PLCG2: variants seen among roughly 807,000 people sequenced by gnomAD.
The protein encoded by PLCG2 is phospholipase C gamma 2.
In PLCG2, 69 loss-of-function variants were observed where a neutral mutation model predicts 175.6. The ratio of observed to expected loss-of-function variants is 0.39; its 90% CI spans 0.32 to 0.48. The LOEUF is 0.48. Ranked by LOEUF, PLCG2 falls within the 20% of genes least tolerant of loss-of-function variation. PLCG2 has a pLI of 0.91. For missense variants in PLCG2, 1,798 were observed against 1,650.9 expected, an observed-to-expected ratio of 1.09 and a Z score of -1.54; for synonymous variants, 827 against 624.0, an observed-to-expected ratio of 1.33 and a Z score of -4.85.
chr16:81,912,169 G>A (rs917322117), intron 18 of PLCG2, among the ~76,000 whole-genome samples: 1 of 151,568 alleles, frequency 6.6e-6, no homozygotes, highest in Non-Finnish European at 1.5e-5. Context: ...CTGGCTTCTC[G>A]CGATCCACCT....
At chr16:81,838,142 G>T (rs1597347110) in intron 2 of PLCG2, among the ~76,000 whole-genome samples, 1 of 151,116 alleles carries the variant, frequency 6.6e-6, no homozygotes, top group South Asian at 2.1e-4. Flanking sequence ...GCACTGGCTT[G>T]ATCTTGGCTC....
At chr16:81,790,818 T>A (rs545985626) in intron 2 of PLCG2, among the ~76,000 whole-genome samples, 1 of 152,184 alleles carries the variant, frequency 6.6e-6, no homozygotes, top group South Asian at 2.1e-4. Flanking sequence ...TCTGGAGACG[T>A]GTTGATTTTC....
In PLCG2 at chr16:81,773,505, A is replaced by G. The variant is rs377365597; in HGVS notation, c.-47-12438A>G. 5.1e-3 allele frequency among the ~76,000 whole-genome samples: 769 copies of G among 152,234 alleles called. 10 individuals are homozygous for G. In the Middle Eastern group the frequency reaches 0.061, roughly 12 times the overall value. On this transcript the variant is annotated intron_variant, in intron 2 of 5. Transcript: ENST00000565054. ...AGAGCTGGGATTCACACTGAGGCCC[A>G]CCTGTCTCTGTGTCCCATGTTTTCA... is the stretch of plus-strand genomic sequence containing the variant.
intron 2 of PLCG2, chr16:81,799,004 G>A (rs539851154): frequency 6.6e-6 from 1 of 152,500 alleles, no homozygotes; most frequent in South Asian, 2.1e-4. Context: ...ACTGAAGGAG[G>A]GCCCGTGTCC....
At chr16:81,816,814 T>G (rs1261961023) in intron 2 of PLCG2, among the ~76,000 whole-genome samples, 1 of 151,910 alleles carries the variant, frequency 6.6e-6, no homozygotes, top group Non-Finnish European at 1.5e-5. Flanking sequence ...AAATTATGAC[T>G]TACTCCCAAG....
Position 81,907,711 on chromosome 16 carries a change from T to C in PLCG2, c.1494T>C (p.Ile498=), listed in dbSNP as rs2143649245. 6.2e-7 allele frequency: 1 copy of C among 1,614,024 alleles called. No homozygotes were observed. The change falls in exon 16 of 33, where the codon ATT becomes ATC. Residue 498 remains isoleucine, a synonymous_variant. Transcript: ENST00000564138. ...DQKWTRHYCA[I]ADAKLSFSDD... is the part of the protein sequence containing the mutation. ...AATGGACTCGGCACTACTGCGCCAT[T>C]GCCGATGCCAAGCTGTCCTTCAGTG...
rs1908635760 is a variant in PLCG2 at position 81,891,542 on chromosome 16, A to G, written c.938A>G (p.Asp313Gly). ...AAGTATGACGCGGTGGACATGCAGGACATGAACAACCCCCTGTCTCATTAC... is the reference window on the plus strand; with the variant it reads ...AAGTATGACGCGGTGGACATGCAGGGCATGAACAACCCCCTGTCTCATTAC... Reference protein sequence around the residue: ...DEKYDAVDMQDMNNPLSHYWI... With the variant: ...DEKYDAVDMQGMNNPLSHYWI... Residue 313 changes from aspartate (D) to glycine (G), a missense_variant, in exon 11 of 33, where the codon GAC becomes GGC. Transcript: ENST00000564138. 6.2e-7 allele frequency: 1 copy of G among 1,611,776 alleles called. No individual in the cohort carries two copies. Among genetic ancestry groups the G allele is most frequent in the African/African-American group, 1.3e-5 (1 of 74,896 alleles).
chr16:81,795,824 C>G (rs528716146), intron 2 of PLCG2, among the ~76,000 whole-genome samples: 18 of 152,316 alleles, frequency 1.2e-4, no homozygotes, highest in Non-Finnish European at 2.5e-4. Context: ...TTTGGCCTCC[C>G]AAAGAGCTGG....
chr16:81,927,127 C>G lies in PLCG2; in HGVS notation c.2463C>G (p.Ser821=), dbSNP rs777516020. The G allele has an allele frequency of 1.2e-6, 2 of 1,613,946 alleles. No homozygotes were observed. The highest frequency in any genetic ancestry group is 1.7e-6 in the Non-Finnish European group (2 of 1,179,820). ...YGTRIQQYFP[S]NYVEDISTAD... Reference sequence around the variant, plus strand: ...CCAGGATCCAGCAGTACTTCCCATCCAACTACGTCGAGGACATCTCAACTG... The same window carrying G: ...CCAGGATCCAGCAGTACTTCCCATCGAACTACGTCGAGGACATCTCAACTG... The change falls in exon 23 of 33, where the codon TCC becomes TCG. Residue 821 remains serine (S), a synonymous_variant. Coordinates refer to ENST00000564138, the MANE Select transcript of PLCG2 (RefSeq NM_002661.5).
At chr16:81,954,266 C>T (rs1478421477) in intron 31 of PLCG2, among the ~76,000 whole-genome samples, 4 of 152,218 alleles carry the variant, frequency 2.6e-5, no homozygotes, top group Non-Finnish European at 5.9e-5. Flanking sequence ...AGCAATCCTC[C>T]CACCTCAGCC....
At chr16:81,801,769 C>T (rs1003456407) in intron 2 of PLCG2, among the ~76,000 whole-genome samples, 1 of 152,092 alleles carries the variant, frequency 6.6e-6, no homozygotes, top group Admixed American at 6.6e-5. Context: ...CAACCTCCGC[C>T]TCCAGGGTTC....
chr16:81,804,683 C>G (rs551337859), intron 2 of PLCG2, among the ~76,000 whole-genome samples: 1 of 152,162 alleles, frequency 6.6e-6, no homozygotes, highest in Non-Finnish European at 1.5e-5. Flanking sequence ...AACGCCTCAG[C>G]CCAGGGAGTG....
At chr16:81,851,981 G>A (rs1027208360) in intron 2 of PLCG2, 3 of 148,112 alleles carry the variant, frequency 2.0e-5, no homozygotes, top group Non-Finnish European at 4.5e-5. Context: ...CCTCTCCTGT[G>A]TTTCACTATG....
At chr16:81,933,200 A>G (rs532735073) in intron 25 of PLCG2, among the ~76,000 whole-genome samples, 12 of 152,114 alleles carry the variant, frequency 7.9e-5, no homozygotes, top group Non-Finnish European at 1.2e-4. Flanking sequence ...ATTTCATGAG[A>G]ATGATTTTTA....
intron 7 of PLCG2, among the ~76,000 whole-genome samples, chr16:81,880,466 A>G (rs919525486): frequency 2.0e-5 from 3 of 152,218 alleles, no homozygotes; most frequent in South Asian, 2.1e-4. Context: ...ATAATACTAG[A>G]TGTTACAAAA....
intron 1 of PLCG2, among the ~76,000 whole-genome samples, chr16:81,742,274 C>G (rs1328861883): frequency 6.6e-6 from 1 of 152,008 alleles, no homozygotes; most frequent in Non-Finnish European, 1.5e-5. Flanking sequence ...GGGGTTAGGT[C>G]TCATTCATGC....
intron 24 of PLCG2, 43 bp from the exon 25 acceptor site, chr16:81,931,454 T>G (rs1369904647): frequency 1.9e-6 from 3 of 1,594,940 alleles, no homozygotes; most frequent in Non-Finnish European, 2.6e-6. Context: ...TTTGTGGCCC[T>G]CTAATAGGCT....
intron 11 of PLCG2, among the ~76,000 whole-genome samples, chr16:81,892,507 C>G (rs779918377): frequency 6.6e-6 from 1 of 151,508 alleles, no homozygotes; most frequent in African/African-American, 2.4e-5. Context: ...GTGTTATGCT[C>G]CAGGCATTTG....
rs868833120 is a variant in PLCG2, at chr16:81,900,538, C to T, written c.1194-74C>T. ...GGTTTCTGTCGTCCCAGGGAGCTGCCCTGGCCCCTCTGTGGGGCAGATGCA... is the reference window on the plus strand; with the variant it reads ...GGTTTCTGTCGTCCCAGGGAGCTGCTCTGGCCCCTCTGTGGGGCAGATGCA... On this transcript the variant is annotated intron_variant, in intron 13 of 32. Transcript: ENST00000564138. 1.7e-4 allele frequency: 238 copies of T among 1,397,778 alleles called. 2 individuals are homozygous for T. The highest frequency in any genetic ancestry group is 1.5e-3 in the Middle Eastern group (6 of 3,884). The allele number at this position is 1,397,778 out of a possible 1,614,324, so 86.6% of individuals were successfully genotyped here. A position where few individuals can be genotyped will look rare whatever the true frequency, so the allele number is the denominator to read the frequency against.
Sources: allele counts gnomAD v4.1 joint callset (sites outside exome capture counted in the v4.1 genomes callset), GRCh38; gene constraint gnomAD v4.1.1; transcripts MANE v1.5; gene names NCBI Gene and HGNC (gene_info 2026-07-23, HGNC 2026-07-21).